The following TRABD variants were observed in gnomAD, a reference collection of about 807,000 sequenced individuals.
TRABD encodes the protein traB domain-containing protein.
Under a neutral mutation model 39.6 loss-of-function variants are expected in TRABD, and 23 were observed. The ratio of observed to expected loss-of-function variants is 0.58; its 90% confidence interval spans 0.42 to 0.82. The LOEUF is 0.82. TRABD is among the 40% of genes least tolerant of loss of function. The probability of loss-of-function intolerance (pLI) is 0.00; values close to 1 mark genes in which losing one functional copy is unlikely to be tolerated. For synonymous variants in TRABD, 243 were observed against 232.1 expected, an observed-to-expected ratio of 1.05 and a Z score of -0.43; for missense variants, 487 against 544.9, an observed-to-expected ratio of 0.89 and a Z score of 1.06.
chr22:50,192,519 AT>A (rs2063937930), intron 1 of TRABD: 1 of 154,770 alleles, frequency 6.5e-6, no homozygotes, highest in Non-Finnish European at 1.4e-5. Flanking sequence ...AAACACGTTG[AT>A]TTGTGTGCTT....
At chr22:50,193,440 C>T in intron 2 of TRABD, 136 bp from the exon 3 acceptor site, 1 of 840,008 alleles carries the variant, frequency 1.2e-6, no homozygotes, top group Non-Finnish European at 1.9e-6. Flanking sequence ...GGTCACGGGC[C>T]CTCGTTTTTC....
intron 7 of TRABD, 39 bp downstream of exon 7, chr22:50,197,627 G>A (rs760541596): frequency 3.7e-6 from 6 of 1,606,958 alleles, no homozygotes; most frequent in Non-Finnish European, 5.1e-6. Context: ...CCTGCAGGGT[G>A]GTCTGTGGGA....
At chr22:50,188,136 T>C (rs1177174563) in intron 1 of TRABD, among the ~76,000 whole-genome samples, 3 of 151,512 alleles carry the variant, frequency 2.0e-5, no homozygotes, top group East Asian at 3.9e-4. Context: ...AAAAATTAGC[T>C]GGGGGTGGTG....
chr22:50,196,115 G>A (rs5771093), intron 5 of TRABD, among the ~76,000 whole-genome samples: 58,217 of 152,072 alleles, frequency 0.38, 11,178 homozygotes, highest in African/African-American at 0.42. Flanking sequence ...GGGTCTGGGA[G>A]ACACCAGGTG....
chr22:50,188,047 C>T (rs897582150), intron 1 of TRABD, among the ~76,000 whole-genome samples: 3 of 151,760 alleles, frequency 2.0e-5, no homozygotes, highest in African/African-American at 2.4e-5. Flanking sequence ...TTTGGGAGGC[C>T]GAGGCAGGTG....
chr22:50,192,961 C>A, intron 1 of TRABD, 66 bp from the exon 2 acceptor site: 1 of 1,406,738 alleles, frequency 7.1e-7, no homozygotes, highest in Non-Finnish European at 9.7e-7. Flanking sequence ...CAGGGCACTA[C>A]GCAGTGAGTC....
At position 50,194,877 on chromosome 22, in the gene TRABD, G is replaced by A. The variant is rs1384388042; in HGVS notation, c.280-23G>A. Reference sequence around the variant, plus strand: ...GGGCAGGGAGCGGCTGTGTTCTCGAGGTGTGACCTGTGGCTGTTGCAGACC... The same window carrying A: ...GGGCAGGGAGCGGCTGTGTTCTCGAAGTGTGACCTGTGGCTGTTGCAGACC... On this transcript the variant is annotated intron_variant, in intron 4 of 9. Transcript: ENST00000380909. 4.3e-6 allele frequency: 7 copies of A among 1,609,618 alleles called. No homozygotes were observed. The East Asian group carries it at 6.7e-5, about 15-fold the overall frequency.
rs1602446132 is a variant in TRABD, at chr22:50,193,722, G to A, written c.112+68G>A. 20 of 1,483,642 alleles carry A rather than the reference G, an allele frequency of 1.3e-5. No individual in the cohort carries two copies. In the East Asian group the frequency reaches 4.5e-4, roughly 34 times the overall value. 91.9% of individuals were successfully genotyped at this position (1,483,642 alleles called of 1,614,324 possible). A position where few individuals can be genotyped will look rare whatever the true frequency, so the allele number is the denominator to read the frequency against. ...CTGTTGAGTCAGGGAGGAGGGGGAGGCAGCCAACCACTGCCAGGGGCTTGG... is the reference window on the plus strand; with the variant it reads ...CTGTTGAGTCAGGGAGGAGGGGGAGACAGCCAACCACTGCCAGGGGCTTGG... On this transcript the variant is annotated intron_variant, in intron 3 of 9. Coordinates refer to ENST00000380909, the MANE Select transcript of TRABD (RefSeq NM_001320485.2).
intron 5 of TRABD, 27 bp downstream of exon 5, chr22:50,195,067 G>C: frequency 6.5e-7 from 1 of 1,543,246 alleles, no homozygotes; most frequent in Non-Finnish European, 8.7e-7. Flanking sequence ...AAGGGTCAGG[G>C]TCAGGGTCGG....
rs200431689 is a variant in TRABD at position 50,198,509 on chromosome 22, G to C, written c.1121G>C (p.Arg374Pro). 3.2e-6 allele frequency: 5 copies of C among 1,562,426 alleles called. No individual in the cohort carries two copies. The highest frequency in any genetic ancestry group is 4.6e-5 in the East Asian group (2 of 43,928). Residue 374 changes from arginine to proline, a missense_variant, in exon 10 of 10, where the codon CGG (arginine) becomes CCG (proline). Arg to Pro is a moderately radical substitution (Grantham distance 103). Around this residue, in one of 3 missense-constraint regions of TRABD, gnomAD observed 123 missense variants for 108.3 expected, o/e 1.14. Coordinates refer to ENST00000380909, the MANE Select transcript of TRABD (RefSeq NM_001320485.2). The surrounding 1 kb of genome is among the most constrained non-coding windows in gnomAD (Gnocchi z 7.9). Reference protein sequence around the residue: ...QYCLQRVTEARHK With the variant: ...QYCLQRVTEAPHK ...TGCCTGCAGAGGGTGACCGAGGCCC[G>C]GCACAAGTAGGAGACTGCTCCCCGC...
chr22:50,197,236 T>A lies in TRABD; in HGVS notation c.421-5T>A, dbSNP rs767687259. On this transcript the variant is annotated splice_region_variant and splice_polypyrimidine_tract_variant and intron_variant, in intron 5 of 9. Coordinates refer to ENST00000380909, the MANE Select transcript of TRABD (RefSeq NM_001320485.2). ...CCAGCTGATGCCTGCTCCCTCTCTCTGCAGAACGGGCTCATGTCGGGGCTG... is the reference window on the plus strand; with the variant it reads ...CCAGCTGATGCCTGCTCCCTCTCTCAGCAGAACGGGCTCATGTCGGGGCTG... 6.2e-7 allele frequency: 1 copy of A among 1,611,806 alleles called. No homozygotes were observed. The highest frequency in any genetic ancestry group is 8.5e-7 in the Non-Finnish European group (1 of 1,179,612).
At chr22:50,196,358 C>G (rs997856695) in intron 5 of TRABD, among the ~76,000 whole-genome samples, 1 of 152,228 alleles carries the variant, frequency 6.6e-6, no homozygotes, top group African/African-American at 2.4e-5. Context: ...ATTCCCAGGG[C>G]TCATGGCTCA....
chr22:50,198,410 TG>T lies in TRABD; in HGVS notation c.1023del (p.Leu342TrpfsTer29). ...RLAVKAAFFG[L>X]LGYSLYWMGR... ...GCCGTGAAGGCCGCCTTCTTCGGCC[TG>T]CTGGGCTACAGCCTGTACTGGATGG... On this transcript the variant is annotated frameshift_variant, in exon 10 of 10. Coordinates refer to ENST00000380909, the MANE Select transcript of TRABD (RefSeq NM_001320485.2). LOFTEE classifies it high-confidence loss of function. This position sits in a 1 kb window ranked among gnomAD's most constrained non-coding sequence, Gnocchi z 7.9. 6.3e-7 allele frequency: 1 copy of T among 1,596,708 alleles called. No individual in the cohort carries two copies. The highest frequency in any genetic ancestry group is 8.5e-7 in the Non-Finnish European group (1 of 1,177,130).
chr22:50,187,274 G>A (rs2063783296), intron 1 of TRABD, among the ~76,000 whole-genome samples: 1 of 152,242 alleles, frequency 6.6e-6, no homozygotes, highest in Non-Finnish European at 1.5e-5. Flanking sequence ...TGGCAAGGAG[G>A]CCTCGGGCTC....
chr22:50,198,505 G>A lies in TRABD; in HGVS notation c.1117G>A (p.Ala373Thr), dbSNP rs1215535144. Residue 373 changes from alanine (A) to threonine (T), a missense_variant, in exon 10 of 10, where the codon GCC becomes ACC. Ala to Thr is a moderately conservative substitution (Grantham distance 58, BLOSUM62 0). Around this residue, in one of 3 missense-constraint regions of TRABD, gnomAD observed 123 missense variants for 108.3 expected, o/e 1.14. Transcript: ENST00000380909. This position sits in a 1 kb window ranked among gnomAD's most constrained non-coding sequence, Gnocchi z 7.9. ...AQYCLQRVTE[A>T]RHK is the part of the protein sequence containing the mutation. ...GTACTGCCTGCAGAGGGTGACCGAG[G>A]CCCGGCACAAGTAGGAGACTGCTCC... 6.4e-7 allele frequency: 1 copy of A among 1,568,086 alleles called. No homozygotes were observed. The highest frequency in any genetic ancestry group is 1.9e-5 in the Admixed American group (1 of 53,416).
Position 50,199,486 on chromosome 22 carries a change from C to T in TRABD, c.*967C>T. 4.7e-6 allele frequency: 1 copy of T among 213,478 alleles called. No homozygotes were observed. The highest frequency in any genetic ancestry group is 9.2e-6 in the Non-Finnish European group (1 of 108,718). The allele number at this position is 213,478 out of a possible 1,614,324, so 13.2% of individuals were successfully genotyped here. On this transcript the variant is annotated 3_prime_UTR_variant, in exon 10 of 10. Coordinates refer to ENST00000380909, the MANE Select transcript of TRABD (RefSeq NM_001320485.2). The stretch of plus-strand genomic sequence containing the variant: ...CAGGCCATCTCTGGTTGTGTCTGTG[C>T]CGACTCGGTGTTGAATCAAATCAGG...
chr22:50,196,545 G>A (rs75406809), intron 5 of TRABD, among the ~76,000 whole-genome samples: 2,012 of 152,302 alleles, frequency 0.013, 37 homozygotes, highest in East Asian at 0.067. Flanking sequence ...CTGAAGATGG[G>A]GGTGGCCTGG....
rs1033079677 is a variant in TRABD, at chr22:50,195,881, T to C, written c.420+841T>C. ...ATCTTATAGAAATGTCCCTAAACGT[T>C]TGGCGCCTGCCTTTCATTTTTTAAT... On this transcript the variant is annotated intron_variant, in intron 5 of 9. Coordinates refer to ENST00000380909, the MANE Select transcript of TRABD (RefSeq NM_001320485.2). 1.4e-4 allele frequency among the ~76,000 whole-genome samples: 22 copies of C among 151,876 alleles called. 1 individual carries two copies. Among genetic ancestry groups the C allele is most frequent in the Admixed American group, 3.3e-4 (5 of 15,238 alleles).
chr22:50,192,402 C>T (rs2063933312), intron 1 of TRABD: 1 of 152,266 alleles, frequency 6.6e-6, no homozygotes, highest in Admixed American at 6.5e-5. Flanking sequence ...AGCTGTGATG[C>T]CTCGGGGCAG....
Sources: allele counts gnomAD v4.1 joint callset (sites outside exome capture counted in the v4.1 genomes callset), GRCh38; gene constraint gnomAD v4.1.1; regional missense constraint gnomAD v4.1.1; non-coding constraint Gnocchi (gnomAD v3.1); transcripts MANE v1.5; gene names NCBI Gene and HGNC (gene_info 2026-07-23, HGNC 2026-07-21).